MEI4: variants seen among roughly 807,000 people sequenced by gnomAD.
The protein encoded by MEI4 is meiosis-specific protein MEI4.
Under a neutral mutation model 31.4 loss-of-function variants are expected in MEI4, and 27 were observed. The observed-to-expected ratio is 0.86, with a 90% CI of 0.63 to 1.19. The LOEUF (loss-of-function observed/expected upper bound fraction) is 1.19, where lower values mean the gene tolerates loss of function less well. Among genes scored for constraint, MEI4 ranks in the 50% most tolerant of loss-of-function variants. The probability of loss-of-function intolerance (pLI) is 0.00; values close to 1 mark genes in which losing one functional copy is unlikely to be tolerated. For missense variants in MEI4, 329 were observed against 398.9 expected (o/e 0.82, Z 1.49); for synonymous variants, 122 against 145.4 (o/e 0.84, Z 1.16).
chr6:77,863,417 C>T (rs941858819), intron 4 of MEI4, among the ~76,000 whole-genome samples: 8 of 151,936 alleles, frequency 5.3e-5, no homozygotes, highest in Middle Eastern at 6.8e-3. Flanking sequence ...AACCAAGGCA[C>T]GGGAACTACG....
At chr6:77,868,215 T>TA (rs371736808) in intron 4 of MEI4, among the ~76,000 whole-genome samples, 1,299 of 124,634 alleles carry the variant, frequency 0.01, 20 homozygotes, top group African/African-American at 0.039. Context: ...AGCATAATAA[T>TA]AAAAAAAAAT....
At chr6:77,893,302 T>G (rs1766006257) in intron 4 of MEI4, among the ~76,000 whole-genome samples, 1 of 152,220 alleles carries the variant, frequency 6.6e-6, no homozygotes, top group Non-Finnish European at 1.5e-5. Context: ...TCCTAAGTTA[T>G]TCTCCCATTT....
Position 77,735,934 on chromosome 6 carries a change from G to A in MEI4, c.233-25196G>A, listed in dbSNP as rs372622542. Among the ~76,000 whole-genome samples the A allele has an allele frequency of 3.3e-5, 5 of 150,564 alleles. No homozygotes were observed. The East Asian group carries it at 7.8e-4, about 23-fold the overall frequency. ...TGCCCCTGCTGGGGGATGCCTCCCA[G>A]TTAGGCTGCTCGGGGGTCAGGGGTC... On this transcript the variant is annotated intron_variant, in intron 2 of 4. Coordinates refer to ENST00000684080, the MANE Select transcript of MEI4 (RefSeq NM_001322247.2).
intron 4 of MEI4, among the ~76,000 whole-genome samples, chr6:77,895,162 A>G (rs1766058131): frequency 6.6e-6 from 1 of 151,660 alleles, no homozygotes; most frequent in Admixed American, 6.6e-5. Flanking sequence ...TCAGAGATGT[A>G]AGTATAAATG....
intron 1 of MEI4, among the ~76,000 whole-genome samples, chr6:77,660,937 C>T (rs1768493551): frequency 6.6e-6 from 1 of 152,072 alleles, no homozygotes; most frequent in Non-Finnish European, 1.5e-5. Flanking sequence ...CTTCGTATGG[C>T]TGGGGATCTG....
chr6:77,865,508 A>G (rs1221369718), intron 4 of MEI4, among the ~76,000 whole-genome samples: 1 of 152,102 alleles, frequency 6.6e-6, no homozygotes, highest in African/African-American at 2.4e-5. Context: ...CGACAAATAC[A>G]CTCTCCCAAG....
intron 1 of MEI4, among the ~76,000 whole-genome samples, chr6:77,663,567 T>A (rs1306205126): frequency 6.6e-6 from 1 of 151,746 alleles, no homozygotes; most frequent in East Asian, 1.9e-4. Flanking sequence ...TAAAAAGGAG[T>A]GCTTAAAAGA....
intron 3 of MEI4, among the ~76,000 whole-genome samples, chr6:77,774,184 C>G (rs1052756425): frequency 2.6e-5 from 4 of 152,074 alleles, no homozygotes; most frequent in African/African-American, 7.2e-5. Flanking sequence ...GAAAGGAAAT[C>G]AGTACATCAA....
intron 1 of MEI4, among the ~76,000 whole-genome samples, chr6:77,687,835 T>G (rs1769086661): frequency 6.6e-6 from 1 of 152,112 alleles, no homozygotes; most frequent in Non-Finnish European, 1.5e-5. Context: ...TTCACCAACC[T>G]GAAAGCTCTC....
intron 2 of MEI4, among the ~76,000 whole-genome samples, chr6:77,749,437 G>A (rs562669070): frequency 9.3e-4 from 142 of 152,236 alleles, no homozygotes; most frequent in African/African-American, 3.2e-3. Flanking sequence ...ACCTGATGGA[G>A]CTGAAAAACA....
chr6:77,694,384 G>A (rs1009420912), intron 2 of MEI4, among the ~76,000 whole-genome samples: 3 of 151,688 alleles, frequency 2.0e-5, no homozygotes, highest in African/African-American at 7.3e-5. Context: ...TTAGCATTAG[G>A]TATATCTCCT....
intron 2 of MEI4, among the ~76,000 whole-genome samples, chr6:77,738,766 C>G (rs1015382345): frequency 1.3e-5 from 2 of 152,120 alleles, no homozygotes; most frequent in African/African-American, 4.8e-5. Context: ...TGTTTCCTGA[C>G]TTTAACCATC....
chr6:77,746,651 G>A (rs953431422), intron 2 of MEI4, among the ~76,000 whole-genome samples: 3 of 116,658 alleles, frequency 2.6e-5, no homozygotes, highest in Non-Finnish European at 3.7e-5. Context: ...GTGTGTGTGT[G>A]TGTGTGTGTG....
At chr6:77,812,420 A>G (rs927198791) in intron 3 of MEI4, among the ~76,000 whole-genome samples, 6 of 152,132 alleles carry the variant, frequency 3.9e-5, no homozygotes, top group Non-Finnish European at 7.4e-5. Context: ...GATGATTATT[A>G]TTGGTTTGAG....
At chr6:77,732,533 G>A (rs9359284) in intron 2 of MEI4, among the ~76,000 whole-genome samples, 8,698 of 148,674 alleles carry the variant, frequency 0.059, 746 homozygotes, top group African/African-American at 0.17. Flanking sequence ...TTTGGGCTGA[G>A]ACAAGGGGTT....
intron 4 of MEI4, among the ~76,000 whole-genome samples, chr6:77,877,860 CA>C (rs199502681): frequency 3.4e-5 from 5 of 147,520 alleles, no homozygotes; most frequent in African/African-American, 9.9e-5. Flanking sequence ...TAAGTGAGAA[CA>C]AAAAAAAAGA....
rs1257140053 is a variant in MEI4, at chr6:77,761,691, C to G, written c.768+26C>G. The G allele has an allele frequency of 5.0e-6, 6 of 1,206,730 alleles. No individual in the cohort carries two copies. The Admixed American group carries it at 2.5e-4, about 51-fold the overall frequency. The allele number at this position is 1,206,730 out of a possible 1,614,324, so 74.8% of individuals were successfully genotyped here. On this transcript the variant is annotated intron_variant, in intron 3 of 4. Transcript: ENST00000684080. ...GTGAGTAATAAATCCCTCTTTTATTCCTAAAATGCTAGTAATTTTAGTGAA... is the reference window on the plus strand; with the variant it reads ...GTGAGTAATAAATCCCTCTTTTATTGCTAAAATGCTAGTAATTTTAGTGAA...
chr6:77,691,761 G>A (rs371696781), intron 2 of MEI4, among the ~76,000 whole-genome samples: 1 of 152,022 alleles, frequency 6.6e-6, no homozygotes, highest in African/African-American at 2.4e-5. Flanking sequence ...GTGAAAGGAA[G>A]GGCCTATTAA....
At chr6:77,726,080 C>T (rs554161779) in intron 2 of MEI4, among the ~76,000 whole-genome samples, 14 of 100,476 alleles carry the variant, frequency 1.4e-4, no homozygotes, top group African/African-American at 4.6e-4. Flanking sequence ...TGCGGCCTTC[C>T]GCAGTTTTTG....
Sources: allele counts gnomAD v4.1 joint callset (sites outside exome capture counted in the v4.1 genomes callset), GRCh38; gene constraint gnomAD v4.1.1; transcripts MANE v1.5; gene names NCBI Gene and HGNC (gene_info 2026-07-23, HGNC 2026-07-21).